Variants in RBFOX1 observed in about 807,000 individuals in gnomAD.
The protein encoded by RBFOX1 is RNA binding protein fox-1 homolog 1.
In RBFOX1, 8 loss-of-function variants were observed where a neutral mutation model predicts 57.7. The ratio of observed to expected loss-of-function variants is 0.14; its 90% CI spans 0.08 to 0.25. The LOEUF (loss-of-function observed/expected upper bound fraction) is 0.25. Ranked by LOEUF, RBFOX1 falls within the 10% of genes least tolerant of loss-of-function variation. The probability of loss-of-function intolerance (pLI) is 1.00; values close to 1 mark genes in which losing one functional copy is unlikely to be tolerated. For synonymous variants in RBFOX1, 326 were observed against 222.4 expected (o/e 1.47, Z -4.15); for missense variants, 611 against 548.5 (o/e 1.11, Z -1.14).
rs534062370 is a variant in RBFOX1 at position 6,893,857 on chromosome 16, T to G, written c.-15-158200T>G. ...ATACTTCAGGGCCAATGGAATGAAT[T>G]GTATGGGGAATAGTTTAGGTTGTCT... On this transcript the variant is annotated intron_variant, in intron 3 of 15. Coordinates refer to ENST00000550418, the MANE Select transcript of RBFOX1 (RefSeq NM_018723.4). Among the ~76,000 whole-genome samples, 4 of 152,260 alleles carry G rather than the reference T, an allele frequency of 2.6e-5. No individual in the cohort carries two copies. The East Asian group carries it at 7.7e-4, about 29-fold the overall frequency.
intron 3 of RBFOX1, among the ~76,000 whole-genome samples, chr16:5,788,163 T>C (rs1015814290): frequency 1.2e-4 from 18 of 152,106 alleles, no homozygotes; most frequent in Admixed American, 5.2e-4. Flanking sequence ...ATGCTGGAGG[T>C]TGCTCCCAGG....
chr16:7,699,305 C>G (rs1244014054), intron 14 of RBFOX1, among the ~76,000 whole-genome samples: 5 of 152,166 alleles, frequency 3.3e-5, no homozygotes, highest in African/African-American at 9.7e-5. Context: ...GATCCTCCCA[C>G]TTCACCCTCC....
At chr16:5,863,820 G>A (rs1460303662) in intron 3 of RBFOX1, among the ~76,000 whole-genome samples, 1 of 152,156 alleles carries the variant, frequency 6.6e-6, no homozygotes, top group Non-Finnish European at 1.5e-5. Context: ...ATATGTGAAT[G>A]TTTGAGAGAG....
chr16:7,475,574 A>C (rs900594083), intron 4 of RBFOX1, among the ~76,000 whole-genome samples: 23 of 152,230 alleles, frequency 1.5e-4, no homozygotes, highest in Non-Finnish European at 3.2e-4. Flanking sequence ...TGGCCTCCCA[A>C]AGTGCTGGGA....
intron 2 of RBFOX1, among the ~76,000 whole-genome samples, chr16:6,574,521 A>C (rs1298312599): frequency 1.7e-4 from 23 of 137,442 alleles, no homozygotes; most frequent in Admixed American, 7.5e-4. Context: ...CTCCGCTTCC[A>C]GGGTTCACGC....
intron 3 of RBFOX1, among the ~76,000 whole-genome samples, chr16:6,862,814 G>C (rs578056677): frequency 3.9e-4 from 59 of 152,028 alleles, no homozygotes; most frequent in African/African-American, 1.4e-3. Flanking sequence ...GTGAAACCTC[G>C]TCTCTACTAA....
intron 4 of RBFOX1, among the ~76,000 whole-genome samples, chr16:7,430,748 G>A (rs1407926696): frequency 6.6e-6 from 1 of 152,036 alleles, no homozygotes; most frequent in Non-Finnish European, 1.5e-5. Flanking sequence ...TTCAAGTTCA[G>A]TGGCCAGGGT....
chr16:7,233,081 A>G (rs2093592229), intron 4 of RBFOX1, among the ~76,000 whole-genome samples: 1 of 152,138 alleles, frequency 6.6e-6, no homozygotes, highest in African/African-American at 2.4e-5. Context: ...CAGCGGCCAA[A>G]GAACCCATCT....
chr16:7,519,604 C>T, intron 5 of RBFOX1: 1 of 594,580 alleles, frequency 1.7e-6, no homozygotes, highest in Non-Finnish European at 2.1e-6. Context: ...CTAAAGTAAT[C>T]ATGCATACCA....
chr16:6,672,930 C>T (rs1007870698), intron 3 of RBFOX1, among the ~76,000 whole-genome samples: 6 of 152,090 alleles, frequency 3.9e-5, no homozygotes, highest in Non-Finnish European at 7.4e-5. Flanking sequence ...CAGGCAAGGG[C>T]GTGTGGGATG....
At chr16:6,086,580 C>T (rs1440401336) in intron 1 of RBFOX1, among the ~76,000 whole-genome samples, 2 of 152,102 alleles carry the variant, frequency 1.3e-5, no homozygotes, top group Non-Finnish European at 2.9e-5. Flanking sequence ...GAAATGGAGC[C>T]CAAGTCTATA....
At chr16:6,301,076 T>C (rs1471505586) in intron 1 of RBFOX1, among the ~76,000 whole-genome samples, 2 of 151,994 alleles carry the variant, frequency 1.3e-5, no homozygotes, top group Non-Finnish European at 2.9e-5. Context: ...TGAGTTGTCA[T>C]TGAAAAAAAA....
At chr16:7,672,995 GT>G (rs2072058308) in intron 13 of RBFOX1, among the ~76,000 whole-genome samples, 1 of 150,926 alleles carries the variant, frequency 6.6e-6, no homozygotes, top group Non-Finnish European at 1.5e-5. Flanking sequence ...CAGCACACCT[GT>G]TTTGCACCAA....
intron 3 of RBFOX1, among the ~76,000 whole-genome samples, chr16:7,018,515 G>T (rs1225057391): frequency 6.6e-6 from 1 of 152,100 alleles, no homozygotes; most frequent in African/African-American, 2.4e-5. Flanking sequence ...CTTTGCTATT[G>T]TGATTAGTGC....
Position 7,302,097 on chromosome 16 carries a change from C to T in RBFOX1, c.28-216050C>T, listed in dbSNP as rs568816386. Among the ~76,000 whole-genome samples, 7 of 152,254 alleles carry T rather than the reference C, an allele frequency of 4.6e-5. No individual in the cohort carries two copies. In the South Asian group the frequency reaches 1.5e-3, roughly 32 times the overall value. On this transcript the variant is annotated intron_variant, in intron 4 of 15. Transcript: ENST00000550418. ...CAGAATAGCAGCCTCTACTTTCCCACTCCCCTGGATGAACTTCTGCCTAGG... is the reference window on the plus strand; with the variant it reads ...CAGAATAGCAGCCTCTACTTTCCCATTCCCCTGGATGAACTTCTGCCTAGG...
At chr16:7,616,838 T>G (rs1411999911) in intron 10 of RBFOX1, among the ~76,000 whole-genome samples, 1 of 151,914 alleles carries the variant, frequency 6.6e-6, no homozygotes, top group Non-Finnish European at 1.5e-5. Context: ...GGCGCAAAAA[T>G]AGTTTTATCA....
intron 3 of RBFOX1, among the ~76,000 whole-genome samples, chr16:5,849,681 C>T (rs117996088): frequency 0.017 from 2,624 of 152,196 alleles, 38 homozygotes; most frequent in Non-Finnish European, 0.027. Context: ...CCCCTCACTC[C>T]GAGGCATCGG....
At chr16:6,592,158 C>T (rs553410802) in intron 2 of RBFOX1, among the ~76,000 whole-genome samples, 59 of 152,296 alleles carry the variant, frequency 3.9e-4, no homozygotes, top group African/African-American at 1.4e-3. Flanking sequence ...AACTTCTTTT[C>T]TTTCTGTCCC....
intron 14 of RBFOX1, among the ~76,000 whole-genome samples, chr16:7,701,215 TCTA>T (rs1256925614): frequency 5.3e-5 from 8 of 152,284 alleles, no homozygotes; most frequent in African/African-American, 1.7e-4. Context: ...TTCTTCCACT[TCTA>T]GTTTTATCAT....
Sources: allele counts gnomAD v4.1 joint callset (sites outside exome capture counted in the v4.1 genomes callset), GRCh38; gene constraint gnomAD v4.1.1; transcripts MANE v1.5; gene names NCBI Gene and HGNC (gene_info 2026-07-23, HGNC 2026-07-21).